PTPRD: variants seen among roughly 807,000 people sequenced by gnomAD.
PTPRD encodes the protein receptor-type tyrosine-protein phosphatase delta.
PTPRD carries 34 observed loss-of-function variants against 214.5 expected under a neutral mutation model. The observed-to-expected ratio is 0.16, with a 90% CI of 0.12 to 0.21. The LOEUF is 0.21. PTPRD is among the 10% of genes least tolerant of loss of function. The probability of loss-of-function intolerance (pLI) is 1.00; values close to 1 mark genes in which losing one functional copy is unlikely to be tolerated. For missense variants in PTPRD, 2,545 were observed against 2,398.7 expected (o/e 1.06, Z -1.27); for synonymous variants, 1,128 against 845.7 (o/e 1.33, Z -5.79).
In PTPRD at chr9:8,436,626, G is replaced by C. The variant is rs1404460582; in HGVS notation, c.4052C>G (p.Ala1351Gly). 5 of 1,613,324 alleles carry C rather than the reference G, an allele frequency of 3.1e-6. No individual in the cohort carries two copies. Among genetic ancestry groups the C allele is most frequent in the African/African-American group, 2.7e-5 (2 of 74,914 alleles). The change falls in exon 35 of 46, where the codon GCA (alanine) becomes GGA (glycine). Residue 1351 changes from alanine to glycine, a missense_variant. Physicochemically the swap from Ala to Gly is moderately conservative, Grantham distance 60. Coordinates refer to ENST00000381196, the MANE Select transcript of PTPRD (RefSeq NM_002839.4). ...ELADHIERLK[A>G]NDNLKFSQEY... is the part of the protein sequence containing the mutation. ...CTGGGAAAACTTCAAGTTGTCATTT[G>C]CTTTCAATCTTTCAATGTGGTCTGC...
At chr9:10,214,717 T>C (rs1364099370) in intron 3 of PTPRD, among the ~76,000 whole-genome samples, 1 of 152,100 alleles carries the variant, frequency 6.6e-6, no homozygotes, top group Non-Finnish European at 1.5e-5. Flanking sequence ...AGAATCACAA[T>C]TCAGATAGAG....
intron 2 of PTPRD, among the ~76,000 whole-genome samples, chr9:10,504,072 C>T (rs1296560669): frequency 9.6e-5 from 12 of 124,380 alleles, no homozygotes; most frequent in African/African-American, 3.3e-4. Context: ...GCCGAGATCG[C>T]GCCACTGCAC....
intron 9 of PTPRD, among the ~76,000 whole-genome samples, chr9:9,310,940 A>G (rs948545166): frequency 2.7e-5 from 4 of 147,366 alleles, no homozygotes; most frequent in Non-Finnish European, 4.4e-5. Flanking sequence ...TAAATAAATA[A>G]ATAAATAAAT....
intron 30 of PTPRD, among the ~76,000 whole-genome samples, chr9:8,481,139 C>CAAAA (rs34451513): frequency 1.0e-4 from 4 of 39,432 alleles, no homozygotes; most frequent in Non-Finnish European, 1.4e-4. Flanking sequence ...GACTCCGTCT[C>CAAAA]AAAAAAAAAA....
intron 27 of PTPRD, among the ~76,000 whole-genome samples, chr9:8,487,427 G>C (rs1400638104): frequency 2.0e-5 from 3 of 151,926 alleles, no homozygotes; most frequent in Admixed American, 6.6e-5. Flanking sequence ...ACTAAACCAA[G>C]TTAACAGAAA....
At chr9:9,891,532 C>A (rs1168115584) in intron 5 of PTPRD, among the ~76,000 whole-genome samples, 1 of 152,050 alleles carries the variant, frequency 6.6e-6, no homozygotes, top group African/African-American at 2.4e-5. Flanking sequence ...CTCTTAACAA[C>A]ACATATGAGC....
At chr9:8,902,636 C>T (rs905766481) in intron 11 of PTPRD, among the ~76,000 whole-genome samples, 3 of 152,000 alleles carry the variant, frequency 2.0e-5, no homozygotes, top group Admixed American at 6.6e-5. Context: ...TGAGCCACCA[C>T]GCCCAGCCTG....
chr9:8,490,518 A>G (rs1193384174), intron 27 of PTPRD, among the ~76,000 whole-genome samples: 2 of 152,188 alleles, frequency 1.3e-5, no homozygotes, highest in Admixed American at 6.5e-5. Context: ...TTATCCTTAA[A>G]CATAGCTGTT....
chr9:9,680,724 G>A (rs2097049957), intron 7 of PTPRD, among the ~76,000 whole-genome samples: 1 of 151,600 alleles, frequency 6.6e-6, no homozygotes, highest in Non-Finnish European at 1.5e-5. Context: ...AGGAGGAAGG[G>A]ATGCAACTTC....
chr9:8,893,232 G>C (rs2098557274), intron 11 of PTPRD, among the ~76,000 whole-genome samples: 1 of 152,122 alleles, frequency 6.6e-6, no homozygotes, highest in Admixed American at 6.6e-5. Context: ...CATGTTCCTG[G>C]AGATAATAAG....
rs2093987892 is a variant in PTPRD, at chr9:9,464,738, T to G, written c.-236-67256A>C. Reference sequence around the variant, plus strand: ...AAATCCATCTGCAGTAAACATGAGTTTTTAGCAATGAGTACCTTTTTATTT... The same window carrying G: ...AAATCCATCTGCAGTAAACATGAGTGTTTAGCAATGAGTACCTTTTTATTT... On this transcript the variant is annotated intron_variant, in intron 8 of 45. Transcript: ENST00000381196. Among the ~76,000 whole-genome samples the G allele has an allele frequency of 2.6e-5, 4 of 152,152 alleles. No individual in the cohort carries two copies. In the South Asian group the frequency reaches 8.3e-4, roughly 32 times the overall value.
Position 9,922,032 on chromosome 9 carries a change from G to C in PTPRD, c.-368+16475C>G, listed in dbSNP as rs760912103. Among the ~76,000 whole-genome samples, 7 of 152,106 alleles carry C rather than the reference G, an allele frequency of 4.6e-5. No individual in the cohort carries two copies. In the East Asian group the frequency reaches 9.6e-4, roughly 21 times the overall value. On this transcript the variant is annotated intron_variant, in intron 5 of 45. Transcript: ENST00000381196. ...ATAAATTGTGGAGGATGGGAAGCAG[G>C]TGGAGAAATGATTCATATAGCAGGG...
At chr9:8,792,657 T>C (rs577309407) in intron 11 of PTPRD, among the ~76,000 whole-genome samples, 1 of 152,192 alleles carries the variant, frequency 6.6e-6, no homozygotes, top group African/African-American at 2.4e-5. Flanking sequence ...AAAAATGAAA[T>C]TATATATCTC....
chr9:10,075,497 A>G (rs1365185889), intron 3 of PTPRD, among the ~76,000 whole-genome samples: 1 of 151,924 alleles, frequency 6.6e-6, no homozygotes, highest in Admixed American at 6.6e-5. Context: ...TATTTTATGA[A>G]ATAAATAATA....
intron 11 of PTPRD, among the ~76,000 whole-genome samples, chr9:8,845,166 G>T (rs561837637): frequency 2.2e-5 from 2 of 89,792 alleles, no homozygotes; most frequent in East Asian, 5.0e-4. Flanking sequence ...AATCCTTGCA[G>T]GAAAAAAAAA....
At chr9:8,730,990 A>G (rs993842385) in intron 12 of PTPRD, among the ~76,000 whole-genome samples, 1 of 152,218 alleles carries the variant, frequency 6.6e-6, no homozygotes, top group African/African-American at 2.4e-5. Flanking sequence ...AGCTTTTTCA[A>G]ATAATAGTGG....
intron 20 of PTPRD, among the ~76,000 whole-genome samples, chr9:8,519,331 C>G (rs1240088108): frequency 6.6e-6 from 1 of 152,048 alleles, no homozygotes; most frequent in Admixed American, 6.5e-5. Context: ...CAGAAGAATA[C>G]AAATCAAAAT....
intron 7 of PTPRD, among the ~76,000 whole-genome samples, chr9:9,676,529 A>T (rs151240955): frequency 0.013 from 1,949 of 152,044 alleles, 22 homozygotes; most frequent in Middle Eastern, 0.024. Flanking sequence ...TCTACCATTG[A>T]TGGACATTTG....
chr9:8,909,561 A>C (rs1012170832), intron 11 of PTPRD, among the ~76,000 whole-genome samples: 8 of 152,192 alleles, frequency 5.3e-5, no homozygotes, highest in Admixed American at 4.6e-4. Context: ...TCCAGATACA[A>C]ACTTTCAACA....
Sources: allele counts gnomAD v4.1 joint callset (sites outside exome capture counted in the v4.1 genomes callset), GRCh38; gene constraint gnomAD v4.1.1; transcripts MANE v1.5; gene names NCBI Gene and HGNC (gene_info 2026-07-23, HGNC 2026-07-21).